Variants in SLC35F3 observed in about 807,000 individuals in gnomAD.
SLC35F3 encodes the protein solute carrier family 35 member F3, also known as putative thiamine transporter SLC35F3.
Under a neutral mutation model 49.9 loss-of-function variants are expected in SLC35F3, and 25 were observed. That is an observed-to-expected ratio of 0.50 (90% CI 0.37 to 0.70). The LOEUF (loss-of-function observed/expected upper bound fraction) is 0.70. Among genes scored for constraint, SLC35F3 ranks in the 30% least tolerant of loss-of-function variants. The pLI, the probability that SLC35F3 is intolerant of heterozygous loss-of-function variation, is 0.00. For synonymous variants in SLC35F3, 275 were observed against 265.4 expected (o/e 1.04, Z -0.35); for missense variants, 525 against 639.8 (o/e 0.82, Z 1.94).
chr1:234,214,567 A>T lies in SLC35F3; in HGVS notation c.284-16850A>T. The T allele has an allele frequency of 6.5e-7, 1 of 1,548,986 alleles. No homozygotes were observed. Among genetic ancestry groups the T allele is most frequent in the Non-Finnish European group, 8.7e-7 (1 of 1,149,928 alleles). On this transcript the variant is annotated intron_variant, in intron 2 of 7. Coordinates refer to ENST00000366618, the MANE Select transcript of SLC35F3 (RefSeq NM_173508.4). The surrounding 1 kb of genome is among the most constrained non-coding windows in gnomAD (Gnocchi z 8.0). ...ACAGTCCGGTCCTGACCCTTACCAAAGTGGAAGGTAATGCGCGGCCGCCTC... is the reference window on the plus strand; with the variant it reads ...ACAGTCCGGTCCTGACCCTTACCAATGTGGAAGGTAATGCGCGGCCGCCTC...
intron 2 of SLC35F3, among the ~76,000 whole-genome samples, chr1:234,154,760 A>G (rs1450084006): frequency 2.0e-5 from 3 of 152,224 alleles, no homozygotes; most frequent in Non-Finnish European, 4.4e-5. Context: ...TCTTTTTAGT[A>G]GTTAGTATTT....
In SLC35F3 at chr1:234,234,859, C is replaced by T. The variant is rs115061037; in HGVS notation, c.608+3118C>T. ...AAGACTGCTGTGTGATCAAATGACA[C>T]GCTGTATATGAAAGCGCCCTATACA... On this transcript the variant is annotated intron_variant, in intron 3 of 7. Transcript: ENST00000366618. Among the ~76,000 whole-genome samples the T allele has an allele frequency of 8.3e-3, 1,257 of 152,288 alleles. 17 individuals carry two copies. The highest frequency in any genetic ancestry group is 0.027 in the African/African-American group (1,137 of 41,560).
At chr1:233,940,598 C>T (rs1188419233) in intron 2 of SLC35F3, among the ~76,000 whole-genome samples, 1 of 152,206 alleles carries the variant, frequency 6.6e-6, no homozygotes. Flanking sequence ...TTGTTACTCA[C>T]CTGACAATAC....
chr1:233,975,228 A>T (rs1256635335), intron 2 of SLC35F3, among the ~76,000 whole-genome samples: 1 of 152,240 alleles, frequency 6.6e-6, no homozygotes, highest in Non-Finnish European at 1.5e-5. Flanking sequence ...CTTACAAGGT[A>T]GTTAAAGGGT....
intron 2 of SLC35F3, among the ~76,000 whole-genome samples, chr1:234,139,951 T>TTAAAATAAAATAA (rs1553308861): frequency 3.3e-5 from 3 of 90,562 alleles, no homozygotes; most frequent in Non-Finnish European, 6.8e-5. Context: ...CATCTCAAAA[T>TTAAAATAAAATAA]AATAAAATAA....
At chr1:234,185,293 C>T (rs1449711626) in intron 2 of SLC35F3, among the ~76,000 whole-genome samples, 1 of 152,090 alleles carries the variant, frequency 6.6e-6, no homozygotes, top group Admixed American at 6.5e-5. Flanking sequence ...AAGGGACACC[C>T]GAGATGTGTC....
intron 2 of SLC35F3, among the ~76,000 whole-genome samples, chr1:234,044,055 G>A (rs1229125520): frequency 6.6e-6 from 1 of 152,144 alleles, no homozygotes; most frequent in African/African-American, 2.4e-5. Flanking sequence ...TTATGTCCTG[G>A]TGGCTCCATC....
chr1:234,134,425 C>A (rs981894951), intron 2 of SLC35F3, among the ~76,000 whole-genome samples: 2 of 147,614 alleles, frequency 1.4e-5, no homozygotes, highest in South Asian at 2.1e-4. Flanking sequence ...AATGTATATT[C>A]GTGTAAATTA....
intron 2 of SLC35F3, among the ~76,000 whole-genome samples, chr1:234,132,857 A>G (rs1259783539): frequency 1.3e-5 from 2 of 152,228 alleles, no homozygotes; most frequent in African/African-American, 2.4e-5. Flanking sequence ...AAATATGAAC[A>G]TTCCACGCAA....
intron 2 of SLC35F3, among the ~76,000 whole-genome samples, chr1:233,984,507 G>A (rs762809882): frequency 6.6e-6 from 1 of 152,226 alleles, no homozygotes; most frequent in Non-Finnish European, 1.5e-5. Context: ...AAATCAATAC[G>A]TGGAGGTTAC....
In SLC35F3 at chr1:234,214,622, G is replaced by A. The variant is rs1667093542; in HGVS notation, c.284-16795G>A. The A allele has an allele frequency of 6.6e-7, 1 of 1,507,554 alleles. No individual in the cohort carries two copies. The highest frequency in any genetic ancestry group is 2.8e-5 in the East Asian group (1 of 35,616). 93.4% of individuals were successfully genotyped at this position (1,507,554 alleles called of 1,614,324 possible). On this transcript the variant is annotated intron_variant, in intron 2 of 7. Coordinates refer to ENST00000366618, the MANE Select transcript of SLC35F3 (RefSeq NM_173508.4). The surrounding 1 kb of genome is among the most constrained non-coding windows in gnomAD (Gnocchi z 8.0). ...CGGGGGTCCCTGCACCCTAGCCGGG[G>A]AATGCTGCCACCCTGAGGGGGGCTG...
intron 2 of SLC35F3, among the ~76,000 whole-genome samples, chr1:234,134,056 G>T (rs762521434): frequency 3.3e-5 from 5 of 152,144 alleles, no homozygotes; most frequent in Non-Finnish European, 7.4e-5. Context: ...CATGAAAATA[G>T]CAAGATAAGT....
intron 3 of SLC35F3, among the ~76,000 whole-genome samples, chr1:234,273,573 A>C (rs954040199): frequency 2.6e-5 from 4 of 152,334 alleles, no homozygotes; most frequent in Non-Finnish European, 4.4e-5. Context: ...TTGAGTTATA[A>C]ATTACGTGAT....
At chr1:234,321,203 C>T (rs954395630) in intron 7 of SLC35F3, among the ~76,000 whole-genome samples, 1 of 152,186 alleles carries the variant, frequency 6.6e-6, no homozygotes, top group South Asian at 2.1e-4. Context: ...CCCAGACTCC[C>T]CCAGAAGGAC....
intron 2 of SLC35F3, among the ~76,000 whole-genome samples, chr1:234,206,465 TG>T (rs898108687): frequency 1.0e-4 from 9 of 89,936 alleles, no homozygotes; most frequent in South Asian, 4.5e-4. Flanking sequence ...TTCCTGGGGG[TG>T]GGGGGGACTA....
intron 2 of SLC35F3, among the ~76,000 whole-genome samples, chr1:234,219,644 G>T (rs1572100455): frequency 1.3e-5 from 2 of 152,204 alleles, no homozygotes; most frequent in Non-Finnish European, 2.9e-5. Context: ...AGTTCTGGCT[G>T]GGACGCAGAT....
chr1:233,954,881 T>C (rs564425346), intron 2 of SLC35F3, among the ~76,000 whole-genome samples: 1 of 152,338 alleles, frequency 6.6e-6, no homozygotes, highest in African/African-American at 2.4e-5. Flanking sequence ...TCTCACTCTG[T>C]TGCCCAGCCT....
At chr1:234,119,470 G>A (rs1027198172) in intron 2 of SLC35F3, among the ~76,000 whole-genome samples, 2 of 152,114 alleles carry the variant, frequency 1.3e-5, no homozygotes, top group African/African-American at 4.8e-5. Flanking sequence ...ATAGCATGAT[G>A]GGTCCGCCGT....
At chr1:234,256,759 G>A (rs988756901) in intron 3 of SLC35F3, among the ~76,000 whole-genome samples, 4 of 152,246 alleles carry the variant, frequency 2.6e-5, no homozygotes, top group South Asian at 4.1e-4. Context: ...GCATGTGCAC[G>A]TTTCTCCTTT....
Sources: gnomAD v4.1 joint callset for allele counts (sites outside exome capture counted in the v4.1 genomes callset) on GRCh38, gnomAD v4.1.1 for gene constraint, Gnocchi (gnomAD v3.1) non-coding constraint, MANE v1.5 for transcripts, NCBI Gene and HGNC (gene_info 2026-07-23, HGNC 2026-07-21) for gene names.